The following CGREF1 variants were observed in gnomAD, a reference collection of about 807,000 sequenced individuals.
CGREF1 encodes cell growth regulator with EF-hand domain 1.
In CGREF1, 16 loss-of-function variants were observed where a neutral mutation model predicts 17.4. The ratio of observed to expected loss-of-function variants is 0.92; its 90% CI spans 0.62 to 1.40. The LOEUF (loss-of-function observed/expected upper bound fraction) is 1.40, where lower values mean the gene tolerates loss of function less well. Ranked by LOEUF, CGREF1 falls within the 40% of genes most tolerant of loss-of-function variation. The pLI is 0.00. For synonymous variants in CGREF1, 142 were observed against 154.6 expected, an observed-to-expected ratio of 0.92 and a Z score of 0.61; for missense variants, 296 against 376.4, an observed-to-expected ratio of 0.79 and a Z score of 1.77.
intron 2 of CGREF1, chr2:27,103,195 GGC>G (rs1670976863): frequency 2.4e-6 from 2 of 840,374 alleles, no homozygotes; most frequent in Non-Finnish European, 2.9e-6. Flanking sequence ...CCAGAGAGCT[GGC>G]AGGAGTTGCA....
downstream of CGREF1, chr2:27,100,089 G>A (rs1185716349): frequency 9.8e-5 from 58 of 590,118 alleles, no homozygotes; most frequent in Non-Finnish European, 3.0e-6. Context: ...CAGAGGAGGG[G>A]CTGCCTGGGC....
downstream of CGREF1, chr2:27,100,007 A>T (rs1364513797): frequency 2.8e-6 from 2 of 726,758 alleles, no homozygotes; most frequent in Non-Finnish European, 4.7e-6. Flanking sequence ...CTGGCTGGGC[A>T]TTCCTGAGGC....
intron 1 of CGREF1, among the ~76,000 whole-genome samples, chr2:27,115,303 T>C (rs1671531980): frequency 6.6e-6 from 1 of 152,216 alleles, no homozygotes; most frequent in Non-Finnish European, 1.5e-5. Flanking sequence ...CTTGGTCCTA[T>C]GTACCCCTCA....
chr2:27,102,294 G>A (rs866229585), intron 4 of CGREF1, 66 bp downstream of exon 4: 16 of 1,611,218 alleles, frequency 9.9e-6, no homozygotes, highest in African/African-American at 4.0e-5. Flanking sequence ...TGGGGCAGCC[G>A]AGGTCAGTCC....
chr2:27,108,312 A>C (rs528294867), intron 1 of CGREF1, among the ~76,000 whole-genome samples: 1 of 152,354 alleles, frequency 6.6e-6, no homozygotes, highest in African/African-American at 2.4e-5. Context: ...TAAATTGATT[A>C]GACACAACTG....
intron 1 of CGREF1, among the ~76,000 whole-genome samples, chr2:27,107,538 T>C (rs191582001): frequency 8.9e-4 from 134 of 151,110 alleles, no homozygotes; most frequent in African/African-American, 3.0e-3. Flanking sequence ...CAGGCATGAG[T>C]CACCGCACCC....
intron 1 of CGREF1, among the ~76,000 whole-genome samples, chr2:27,112,679 C>A (rs1162494640): frequency 6.6e-6 from 1 of 152,116 alleles, no homozygotes; most frequent in African/African-American, 2.4e-5. Context: ...ATGTAAGCAA[C>A]CTGAATGTCT....
rs563053409 is a variant in CGREF1 at position 27,118,999 on chromosome 2, G to C, written c.-165C>G. ...CCCGGCTGGAGCCGCCGCCCTGGCC[G>C]GGCAGAGTCCGGAGCCAGTGCCAGC... On this transcript the variant is annotated 5_prime_UTR_variant, in exon 1 of 6. Transcript: ENST00000402394. 38 of 152,130 alleles carry C rather than the reference G, an allele frequency of 2.5e-4. 1 individual carries two copies. The South Asian group carries it at 7.0e-3, about 28-fold the overall frequency. The allele number at this position is 152,130 out of a possible 1,614,324, so 9.4% of individuals were successfully genotyped here.
intron 1 of CGREF1, among the ~76,000 whole-genome samples, chr2:27,115,988 G>C (rs1671550327): frequency 6.6e-6 from 1 of 152,094 alleles, no homozygotes; most frequent in Non-Finnish European, 1.5e-5. Flanking sequence ...CAAGGCAAAA[G>C]GATTGCTTGA....
chr2:27,102,261 G>T (rs748002837), intron 4 of CGREF1, 40 bp from the exon 5 acceptor site: 1 of 1,611,366 alleles, frequency 6.2e-7, no homozygotes, highest in East Asian at 2.2e-5. Context: ...GGTGCCGGGG[G>T]AGGTGGAGAA....
intron 1 of CGREF1, among the ~76,000 whole-genome samples, chr2:27,105,959 C>T (rs1241776107): frequency 6.6e-6 from 1 of 152,178 alleles, no homozygotes; most frequent in Non-Finnish European, 1.5e-5. Context: ...CCACAGCTGC[C>T]CTAAAGGTAT....
chr2:27,115,942 A>C (rs572940277), intron 1 of CGREF1, among the ~76,000 whole-genome samples: 6 of 152,338 alleles, frequency 3.9e-5, no homozygotes, highest in South Asian at 2.1e-4. Flanking sequence ...GGCTGAGTAC[A>C]ATGGCTCACG....
downstream of CGREF1, chr2:27,099,926 G>A (rs1558454561): frequency 1.4e-6 from 2 of 1,399,196 alleles, no homozygotes; most frequent in East Asian, 2.5e-5. Flanking sequence ...GGGGATGGCT[G>A]GGGGATGCAG....
At position 27,101,088 on chromosome 2, in the gene CGREF1, C is replaced by T; in HGVS notation, c.*186G>A. ...AGGTGGCCGGGGGGATGAATTCATT[C>T]AGTTCTTTATTGGTAATCTGCCCCT... On this transcript the variant is annotated 3_prime_UTR_variant, in exon 6 of 6. Transcript: ENST00000402394. 1 of 1,353,540 alleles carries T rather than the reference C, an allele frequency of 7.4e-7. No individual in the cohort carries two copies. Among genetic ancestry groups the T allele is most frequent in the South Asian group, 2.1e-5 (1 of 47,408 alleles). 83.8% of individuals were successfully genotyped at this position (1,353,540 alleles called of 1,614,324 possible).
chr2:27,102,828 T>C, intron 2 of CGREF1: 1 of 705,286 alleles, frequency 1.4e-6, no homozygotes, highest in Non-Finnish European at 1.7e-6. Context: ...AAAACCCAAA[T>C]AAAACAACTG....
intron 1 of CGREF1, among the ~76,000 whole-genome samples, chr2:27,113,597 GC>G (rs1671467893): frequency 6.6e-6 from 1 of 152,144 alleles, no homozygotes; most frequent in Non-Finnish European, 1.5e-5. Context: ...GGGGGTATGG[GC>G]CCTGACCTCA....
At chr2:27,109,560 A>C (rs1671267453) in intron 1 of CGREF1, among the ~76,000 whole-genome samples, 1 of 152,100 alleles carries the variant, frequency 6.6e-6, no homozygotes, top group Non-Finnish European at 1.5e-5. Context: ...CTGTTTGGGA[A>C]GAGAGTGGAC....
At chr2:27,110,474 G>A (rs1050416576) in intron 1 of CGREF1, among the ~76,000 whole-genome samples, 2 of 151,562 alleles carry the variant, frequency 1.3e-5, no homozygotes, top group African/African-American at 4.8e-5. Flanking sequence ...TACACTTAAA[G>A]AAATTAAAAT....
downstream of CGREF1, chr2:27,099,715 A>G (rs1443239293): frequency 6.2e-7 from 1 of 1,613,958 alleles, no homozygotes. Context: ...GGCCGGCAAG[A>G]AGTGTGGCCT....
Sources: allele counts gnomAD v4.1 joint callset (sites outside exome capture counted in the v4.1 genomes callset), GRCh38; gene constraint gnomAD v4.1.1; transcripts MANE v1.5; gene names NCBI Gene and HGNC (gene_info 2026-07-23, HGNC 2026-07-21).